Variants in DGKI observed in about 807,000 individuals in gnomAD.
The protein encoded by DGKI is DAG kinase iota.
In DGKI, 55 loss-of-function variants were observed where a neutral mutation model predicts 147.5. That is an observed-to-expected ratio of 0.37 (90% CI 0.30 to 0.47). DGKI has a LOEUF of 0.47. DGKI is among the 20% of genes least tolerant of loss of function. The probability of loss-of-function intolerance (pLI) is 1.00; values close to 1 mark genes in which losing one functional copy is unlikely to be tolerated. For missense variants in DGKI, 1,007 were observed against 1,323.8 expected, an observed-to-expected ratio of 0.76 and a Z score of 3.71; for synonymous variants, 469 against 477.1, an observed-to-expected ratio of 0.98 and a Z score of 0.22.
At chr7:137,457,173 T>C (rs1465498280) in intron 27 of DGKI, among the ~76,000 whole-genome samples, 2 of 152,056 alleles carry the variant, frequency 1.3e-5, no homozygotes, top group African/African-American at 4.8e-5. Context: ...TAAGCAGGGA[T>C]GTCAAAGGTA....
In DGKI at chr7:137,556,535, A is replaced by T. The variant is rs367889463; in HGVS notation, c.1948-3967T>A. On this transcript the variant is annotated intron_variant, in intron 19 of 32. Coordinates refer to ENST00000614521, the MANE Select transcript of DGKI (RefSeq NM_001321708.2). ...TGATACACTGTTGAATTAAAAAACC[A>T]ATAGTATTCTACTACTCTAGCATTA... 5.9e-5 allele frequency among the ~76,000 whole-genome samples: 9 copies of T among 152,300 alleles called. No homozygotes were observed. In the South Asian group the frequency reaches 8.3e-4, roughly 14 times the overall value.
chr7:137,747,585 C>T (rs1795378051), intron 1 of DGKI, among the ~76,000 whole-genome samples: 1 of 152,186 alleles, frequency 6.6e-6, no homozygotes, highest in African/African-American at 2.4e-5. Context: ...CTTTGAGCCC[C>T]TATACTCAGG....
intron 1 of DGKI, among the ~76,000 whole-genome samples, chr7:137,815,920 A>AG (rs1797724162): frequency 6.6e-6 from 1 of 152,116 alleles, no homozygotes; most frequent in Non-Finnish European, 1.5e-5. Context: ...TTGTGATGTC[A>AG]GGGTGTTCCC....
chr7:137,703,235 T>C (rs766421632), intron 1 of DGKI, among the ~76,000 whole-genome samples: 1 of 152,138 alleles, frequency 6.6e-6, no homozygotes, highest in Non-Finnish European at 1.5e-5. Flanking sequence ...GGAAGTGCCA[T>C]ACACTTTTAA....
intron 1 of DGKI, among the ~76,000 whole-genome samples, chr7:137,802,043 C>T (rs1797228033): frequency 6.6e-6 from 1 of 152,166 alleles, no homozygotes; most frequent in Non-Finnish European, 1.5e-5. Context: ...ATAATTACAG[C>T]ATGGAATACT....
At chr7:137,499,476 C>A (rs1816093729) in intron 21 of DGKI, among the ~76,000 whole-genome samples, 1 of 152,068 alleles carries the variant, frequency 6.6e-6, no homozygotes, top group Non-Finnish European at 1.5e-5. Flanking sequence ...GAAGACCCAC[C>A]CTTGTCAATG....
At chr7:137,424,558 C>T (rs543507077) in intron 28 of DGKI, among the ~76,000 whole-genome samples, 6 of 152,202 alleles carry the variant, frequency 3.9e-5, no homozygotes, top group African/African-American at 7.2e-5. Context: ...ATGCAGTGCA[C>T]CGTGCGCGAG....
At chr7:137,835,152 T>C (rs893136878) in intron 1 of DGKI, among the ~76,000 whole-genome samples, 2 of 152,184 alleles carry the variant, frequency 1.3e-5, no homozygotes, top group African/African-American at 2.4e-5. Context: ...TCAATACCCT[T>C]AGCATTCTAA....
intron 1 of DGKI, among the ~76,000 whole-genome samples, chr7:137,844,111 C>T (rs2117119446): frequency 6.6e-6 from 1 of 152,246 alleles, no homozygotes; most frequent in Non-Finnish European, 1.5e-5. Flanking sequence ...TTTTACACAC[C>T]CTTCATCCAT....
At chr7:137,567,604 C>T (rs1818633172) in intron 19 of DGKI, among the ~76,000 whole-genome samples, 1 of 152,096 alleles carries the variant, frequency 6.6e-6, no homozygotes, top group Admixed American at 6.5e-5. Context: ...GAAGGGGAAA[C>T]TACGGAGAGT....
rs150986524 is a variant in DGKI, at chr7:137,657,794, G to A, written c.607-1254C>T. Among the ~76,000 whole-genome samples, 1,106 of 152,266 alleles carry A rather than the reference G, an allele frequency of 7.3e-3. 14 individuals carry two copies. Among genetic ancestry groups the A allele is most frequent in the African/African-American group, 0.026 (1,082 of 41,546 alleles). On this transcript the variant is annotated intron_variant, in intron 3 of 32. Coordinates refer to ENST00000614521, the MANE Select transcript of DGKI (RefSeq NM_001321708.2). ...GTGAGAAGAAATAAAGCATTGCTGC[G>A]GCCAGAGATTTGAAGAGCTGCAAAC...
intron 1 of DGKI, among the ~76,000 whole-genome samples, chr7:137,747,815 A>AC (rs371268449): frequency 1.3e-5 from 2 of 151,926 alleles, no homozygotes; most frequent in African/African-American, 4.8e-5. Flanking sequence ...GGCAACCTAA[A>AC]CCCCTACTGC....
chr7:137,628,136 A>C (rs1004484866), intron 6 of DGKI, among the ~76,000 whole-genome samples: 2 of 152,150 alleles, frequency 1.3e-5, no homozygotes, highest in Non-Finnish European at 2.9e-5. Context: ...TGCTCTACTC[A>C]ATGATATAGG....
chr7:137,656,803 T>A (rs1199726070), intron 3 of DGKI, among the ~76,000 whole-genome samples: 1 of 152,188 alleles, frequency 6.6e-6, no homozygotes, highest in East Asian at 1.9e-4. Flanking sequence ...ATAATAATAA[T>A]AGCTCCAATA....
At chr7:137,708,351 C>T (rs1794107270) in intron 1 of DGKI, among the ~76,000 whole-genome samples, 1 of 152,174 alleles carries the variant, frequency 6.6e-6, no homozygotes. Context: ...TATCTTCTCT[C>T]CCATTCTCGC....
intron 29 of DGKI, among the ~76,000 whole-genome samples, chr7:137,409,434 G>C (rs1457238689): frequency 1.3e-5 from 2 of 152,076 alleles, no homozygotes. Context: ...ACATCACAAA[G>C]GTCTCAGAGA....
chr7:137,528,146 C>T (rs563519147), intron 20 of DGKI, among the ~76,000 whole-genome samples: 1 of 152,302 alleles, frequency 6.6e-6, no homozygotes, highest in South Asian at 2.1e-4. Flanking sequence ...CATTTCTGAG[C>T]TGCTTTCTAG....
intron 21 of DGKI, among the ~76,000 whole-genome samples, chr7:137,496,515 A>T (rs1370791168): frequency 2.0e-5 from 3 of 150,614 alleles, no homozygotes; most frequent in Non-Finnish European, 3.0e-5. Context: ...TAATAATAAT[A>T]AAAAAAAAGC....
At chr7:137,516,601 T>G (rs1816753495) in intron 21 of DGKI, among the ~76,000 whole-genome samples, 1 of 152,078 alleles carries the variant, frequency 6.6e-6, no homozygotes, top group Admixed American at 6.6e-5. Flanking sequence ...TTCTGTTGTT[T>G]TTTTTTCTTC....
Sources: allele counts gnomAD v4.1 joint callset (sites outside exome capture counted in the v4.1 genomes callset), GRCh38; gene constraint gnomAD v4.1.1; transcripts MANE v1.5; gene names NCBI Gene and HGNC (gene_info 2026-07-23, HGNC 2026-07-21).